Variants in SLC24A3 observed in about 807,000 individuals in gnomAD.
SLC24A3 encodes sodium/potassium/calcium exchanger 3.
SLC24A3 carries 28 observed loss-of-function variants against 75.8 expected under a neutral mutation model. That is an observed-to-expected ratio of 0.37 (90% CI 0.27 to 0.51). SLC24A3 has a LOEUF of 0.51. Ranked by LOEUF, SLC24A3 falls within the 20% of genes least tolerant of loss-of-function variation. SLC24A3 has a pLI of 0.94. For missense variants in SLC24A3, 663 were observed against 847.8 expected, an observed-to-expected ratio of 0.78 and a Z score of 2.71; for synonymous variants, 372 against 334.1, an observed-to-expected ratio of 1.11 and a Z score of -1.24.
At chr20:19,500,046 C>A (rs934035386) in intron 2 of SLC24A3, among the ~76,000 whole-genome samples, 1 of 152,112 alleles carries the variant, frequency 6.6e-6, no homozygotes, top group African/African-American at 2.4e-5. Context: ...GCGACTCTGC[C>A]CTGAACCCTT....
At chr20:19,565,872 T>C (rs2030949474) in intron 3 of SLC24A3, among the ~76,000 whole-genome samples, 1 of 152,182 alleles carries the variant, frequency 6.6e-6, no homozygotes, top group South Asian at 2.1e-4. Flanking sequence ...ATGCTGACTC[T>C]GTAAATCGGG....
chr20:19,510,056 G>A (rs1419192285), intron 2 of SLC24A3, among the ~76,000 whole-genome samples: 7 of 152,176 alleles, frequency 4.6e-5, no homozygotes, highest in Non-Finnish European at 8.8e-5. Flanking sequence ...TGTGTATATA[G>A]CACGCACGTA....
chr20:19,470,762 A>C (rs889714519), intron 2 of SLC24A3, among the ~76,000 whole-genome samples: 3 of 152,192 alleles, frequency 2.0e-5, no homozygotes, highest in Admixed American at 6.5e-5. Flanking sequence ...ACACGTATGC[A>C]TGTTAGTTCA....
At chr20:19,597,927 G>A (rs1054050216) in intron 6 of SLC24A3, among the ~76,000 whole-genome samples, 1 of 152,154 alleles carries the variant, frequency 6.6e-6, no homozygotes, top group African/African-American at 2.4e-5. Flanking sequence ...TGGCCAAATA[G>A]TATTCCCTTG....
intron 2 of SLC24A3, among the ~76,000 whole-genome samples, chr20:19,371,079 A>G (rs556416457): frequency 1.4e-4 from 22 of 152,272 alleles, no homozygotes; most frequent in Middle Eastern, 3.4e-3. Context: ...ATTTGGGTGC[A>G]GTGCATCCCT....
At chr20:19,527,965 G>A (rs1210536363) in intron 3 of SLC24A3, among the ~76,000 whole-genome samples, 1 of 152,088 alleles carries the variant, frequency 6.6e-6, no homozygotes, top group Non-Finnish European at 1.5e-5. Context: ...ATGTGGCTTT[G>A]GTTTTCTAAC....
intron 2 of SLC24A3, among the ~76,000 whole-genome samples, chr20:19,404,331 G>C (rs1986604039): frequency 6.6e-6 from 1 of 152,184 alleles, no homozygotes; most frequent in Non-Finnish European, 1.5e-5. Context: ...AGCCTTTCTA[G>C]TTGCAGAAAT....
intron 1 of SLC24A3, among the ~76,000 whole-genome samples, chr20:19,278,263 G>A (rs970618047): frequency 1.3e-5 from 2 of 152,144 alleles, no homozygotes; most frequent in African/African-American, 2.4e-5. Flanking sequence ...GCATGTCTAC[G>A]CTGGCCCCCA....
chr20:19,668,396 C>G (rs2032426062), intron 8 of SLC24A3, among the ~76,000 whole-genome samples: 1 of 152,162 alleles, frequency 6.6e-6, no homozygotes, highest in Non-Finnish European at 1.5e-5. Flanking sequence ...TCTTTAAAAT[C>G]AGAGTCTTCA....
intron 7 of SLC24A3, among the ~76,000 whole-genome samples, chr20:19,661,120 T>C (rs2032321541): frequency 6.6e-6 from 1 of 152,070 alleles, no homozygotes; most frequent in Non-Finnish European, 1.5e-5. Context: ...TTGATTTTGG[T>C]TTTCCCTGCC....
At chr20:19,271,611 G>C (rs1983332459) in intron 1 of SLC24A3, among the ~76,000 whole-genome samples, 5 of 152,206 alleles carry the variant, frequency 3.3e-5, no homozygotes, top group Admixed American at 3.3e-4. Context: ...CCAATGAGTG[G>C]ATAAAGAAAA....
At chr20:19,556,666 C>T (rs1049806401) in intron 3 of SLC24A3, among the ~76,000 whole-genome samples, 3 of 151,586 alleles carry the variant, frequency 2.0e-5, no homozygotes, top group Admixed American at 1.3e-4. Context: ...CTTGTCACAA[C>T]TGGTTGGGAC....
intron 1 of SLC24A3, among the ~76,000 whole-genome samples, chr20:19,239,134 A>C (rs1314920123): frequency 6.6e-6 from 1 of 151,632 alleles, no homozygotes; most frequent in Non-Finnish European, 1.5e-5. Flanking sequence ...AAAAAAAAAA[A>C]AAAACAACAC....
chr20:19,335,293 C>T (rs1195751077), intron 2 of SLC24A3, among the ~76,000 whole-genome samples: 1 of 152,166 alleles, frequency 6.6e-6, no homozygotes, highest in Non-Finnish European at 1.5e-5. Flanking sequence ...CCCCTTAAAT[C>T]TTGTCTTTTC....
chr20:19,430,368 A>G (rs1305262693), intron 2 of SLC24A3, among the ~76,000 whole-genome samples: 2 of 152,132 alleles, frequency 1.3e-5, no homozygotes, highest in Non-Finnish European at 2.9e-5. Flanking sequence ...CAGCCCGACC[A>G]AGGGTCTTGA....
chr20:19,677,693 T>C (rs2032542676), intron 9 of SLC24A3, among the ~76,000 whole-genome samples: 1 of 150,324 alleles, frequency 6.7e-6, no homozygotes, highest in Non-Finnish European at 1.5e-5. Context: ...TTTCTTTTTT[T>C]TTTTTTTTTT....
At chr20:19,228,798 A>G (rs1016093628) in intron 1 of SLC24A3, among the ~76,000 whole-genome samples, 6 of 152,224 alleles carry the variant, frequency 3.9e-5, no homozygotes, top group Non-Finnish European at 8.8e-5. Flanking sequence ...TATATTTTTA[A>G]TATGATGCTG....
chr20:19,609,872 C>T (rs1180171956), intron 6 of SLC24A3, among the ~76,000 whole-genome samples: 2 of 152,164 alleles, frequency 1.3e-5, no homozygotes, highest in Non-Finnish European at 2.9e-5. Context: ...GCCTGTGAGT[C>T]AGGTGGAAGT....
At chr20:19,529,672 G>A (rs2030261158) in intron 3 of SLC24A3, among the ~76,000 whole-genome samples, 1 of 152,122 alleles carries the variant, frequency 6.6e-6, no homozygotes, top group Non-Finnish European at 1.5e-5. Context: ...GCACCATCAT[G>A]GCACTTGGGC....
Sources: gnomAD v4.1 joint callset for allele counts (sites outside exome capture counted in the v4.1 genomes callset) on GRCh38, gnomAD v4.1.1 for gene constraint, MANE v1.5 for transcripts, NCBI Gene and HGNC (gene_info 2026-07-23, HGNC 2026-07-21) for gene names.